The following DLC1 variants were observed in gnomAD, a reference collection of about 807,000 sequenced individuals.
The protein encoded by DLC1 is rho GTPase-activating protein 7.
DLC1 carries 54 observed loss-of-function variants against 140.3 expected under a neutral mutation model. The observed-to-expected ratio is 0.38, with a 90% CI of 0.31 to 0.48. The LOEUF (loss-of-function observed/expected upper bound fraction) is 0.48, where lower values mean the gene tolerates loss of function less well. Among genes scored for constraint, DLC1 ranks in the 20% least tolerant of loss-of-function variants. The probability of loss-of-function intolerance (pLI) is 0.96; values close to 1 mark genes in which losing one functional copy is unlikely to be tolerated. For missense variants in DLC1, 2,536 were observed against 1,907.0 expected (o/e 1.33, Z -6.14); for synonymous variants, 986 against 728.1 (o/e 1.35, Z -5.70).
chr8:13,123,084 G>T (rs118154864), intron 5 of DLC1, among the ~76,000 whole-genome samples: 2 of 152,162 alleles, frequency 1.3e-5, no homozygotes, highest in East Asian at 3.9e-4. Flanking sequence ...AGTACAGCGC[G>T]TATGAGGACC....
chr8:13,146,127 T>G (rs1823418598), intron 5 of DLC1, among the ~76,000 whole-genome samples: 1 of 151,872 alleles, frequency 6.6e-6, no homozygotes, highest in African/African-American at 2.4e-5. Context: ...ACAAAAAAAT[T>G]AGCCGGACAT....
chr8:13,396,218 C>G (rs1171217577), intron 3 of DLC1, among the ~76,000 whole-genome samples: 3 of 151,920 alleles, frequency 2.0e-5, no homozygotes, highest in Non-Finnish European at 4.4e-5. Flanking sequence ...CACCACCACA[C>G]CCGGCTAAAT....
chr8:13,542,934 T>G (rs1803536391), intron 1 of DLC1, among the ~76,000 whole-genome samples: 1 of 152,132 alleles, frequency 6.6e-6, no homozygotes, highest in Non-Finnish European at 1.5e-5. Flanking sequence ...TATTTCAGTA[T>G]TTTGGCAAAT....
At chr8:13,454,927 T>G (rs1331173257) in intron 2 of DLC1, among the ~76,000 whole-genome samples, 1 of 152,108 alleles carries the variant, frequency 6.6e-6, no homozygotes, top group Non-Finnish European at 1.5e-5. Context: ...GTAAAGATTT[T>G]GGAGATAGAT....
chr8:13,295,720 G>A (rs77490961), intron 5 of DLC1, among the ~76,000 whole-genome samples: 2,693 of 152,116 alleles, frequency 0.018, 84 homozygotes, highest in African/African-American at 0.061. Flanking sequence ...ATTATAAGTC[G>A]TTTTATACTC....
chr8:13,159,775 G>C (rs1025331747), intron 5 of DLC1, among the ~76,000 whole-genome samples: 2 of 151,832 alleles, frequency 1.3e-5, no homozygotes, highest in African/African-American at 4.8e-5. Flanking sequence ...TGTTCTTCCA[G>C]GGAGTGTGTG....
At chr8:13,530,202 A>G (rs558538071) in intron 1 of DLC1, among the ~76,000 whole-genome samples, 1 of 152,298 alleles carries the variant, frequency 6.6e-6, no homozygotes, top group Admixed American at 6.5e-5. Context: ...CCAGTGTATT[A>G]CTTTTCTCTT....
At chr8:13,178,915 G>A (rs773167160) in intron 5 of DLC1, among the ~76,000 whole-genome samples, 2 of 151,972 alleles carry the variant, frequency 1.3e-5, no homozygotes, top group African/African-American at 4.8e-5. Context: ...AATATACACC[G>A]AATACCAATT....
chr8:13,568,606 G>C (rs1274634334), intron 1 of DLC1, among the ~76,000 whole-genome samples: 1 of 151,820 alleles, frequency 6.6e-6, no homozygotes, highest in African/African-American at 2.4e-5. Context: ...AGAGAAGCAG[G>C]GTTGATACAA....
chr8:13,295,907 G>GAAGACATCTAAGAGATGATCAGAT, intron 5 of DLC1, among the ~76,000 whole-genome samples: 1 of 137,932 alleles, frequency 7.2e-6, no homozygotes, highest in Non-Finnish European at 1.5e-5. Flanking sequence ...GTAAAAATTT[G>GAAGACATCTAAGAGATGATCAGAT]AAGACATCTA....
chr8:13,383,653 C>T (rs532470003), intron 4 of DLC1, among the ~76,000 whole-genome samples: 3 of 152,110 alleles, frequency 2.0e-5, no homozygotes, highest in Non-Finnish European at 4.4e-5. Flanking sequence ...GGCTAGTCTG[C>T]GTGATCAGTA....
At chr8:13,133,399 A>G in intron 5 of DLC1, 1 of 749,912 alleles carries the variant, frequency 1.3e-6, no homozygotes, top group Non-Finnish European at 1.6e-6. Flanking sequence ...CGCAGGCCTT[A>G]GCGACGGGCT....
intron 1 of DLC1, among the ~76,000 whole-genome samples, chr8:13,599,439 G>A (rs766975297): frequency 2.0e-5 from 3 of 151,958 alleles, no homozygotes; most frequent in African/African-American, 7.2e-5. Flanking sequence ...TTAGGATGAA[G>A]TGGTTCTTTC....
At chr8:13,345,443 C>T (rs1177408359) in intron 4 of DLC1, among the ~76,000 whole-genome samples, 1 of 151,522 alleles carries the variant, frequency 6.6e-6, no homozygotes, top group African/African-American at 2.4e-5. Context: ...AGGGAAGGAG[C>T]CAGGAGCCAG....
intron 1 of DLC1, among the ~76,000 whole-genome samples, chr8:13,559,955 T>C (rs1804182070): frequency 1.3e-5 from 2 of 152,190 alleles, no homozygotes; most frequent in Admixed American, 6.5e-5. Context: ...CATTCTGAAA[T>C]TGAACTACAA....
chr8:13,436,451 A>G (rs548864136), intron 2 of DLC1, among the ~76,000 whole-genome samples: 3 of 152,334 alleles, frequency 2.0e-5, no homozygotes, highest in South Asian at 4.1e-4. Context: ...GACCAAAAGG[A>G]CTGACCCGTT....
chr8:13,292,259 A>G (rs1475127988), intron 5 of DLC1, among the ~76,000 whole-genome samples: 5 of 152,146 alleles, frequency 3.3e-5, no homozygotes, highest in Non-Finnish European at 7.3e-5. Context: ...TCCACATCGT[A>G]GAAAGTCCAG....
At chr8:13,361,118 G>T (rs551341360) in intron 4 of DLC1, among the ~76,000 whole-genome samples, 1 of 149,994 alleles carries the variant, frequency 6.7e-6, no homozygotes, top group African/African-American at 2.4e-5. Flanking sequence ...TGTAGTACCA[G>T]CTGCTCAGGA....
intron 5 of DLC1, among the ~76,000 whole-genome samples, chr8:13,166,441 A>T (rs1821077): frequency 4.0e-5 from 6 of 151,676 alleles, no homozygotes; most frequent in Non-Finnish European, 8.8e-5. Context: ...CCCGGGTTCA[A>T]GCTATTCTCC....
Sources: gnomAD v4.1 joint callset for allele counts (sites outside exome capture counted in the v4.1 genomes callset) on GRCh38, gnomAD v4.1.1 for gene constraint, MANE v1.5 for transcripts, NCBI Gene and HGNC (gene_info 2026-07-23, HGNC 2026-07-21) for gene names.